TRHDE: variants seen among roughly 807,000 people sequenced by gnomAD.
TRHDE encodes thyrotropin releasing hormone degrading enzyme.
A neutral mutation model predicts 125.7 loss-of-function variants in TRHDE; 72 were observed. The ratio of observed to expected loss-of-function variants is 0.57; its 90% CI spans 0.47 to 0.70. The LOEUF is 0.70. TRHDE is among the 30% of genes least tolerant of loss of function. The pLI is 0.00. For synonymous variants in TRHDE, 509 were observed against 509.1 expected, an observed-to-expected ratio of 1.00 and a Z score of 0.00; for missense variants, 1,110 against 1,327.1, an observed-to-expected ratio of 0.84 and a Z score of 2.54.
At chr12:72,638,414 G>C (rs1212464781) in intron 15 of TRHDE, among the ~76,000 whole-genome samples, 2 of 151,820 alleles carry the variant, frequency 1.3e-5, no homozygotes, top group Non-Finnish European at 2.9e-5. Context: ...ACGTGAGATG[G>C]GTTTCCTGAA....
intron 12 of TRHDE, among the ~76,000 whole-genome samples, chr12:72,602,757 A>G (rs984690398): frequency 2.0e-5 from 3 of 152,216 alleles, no homozygotes; most frequent in Non-Finnish European, 4.4e-5. Context: ...TGGAGCAGAA[A>G]TATGCCCCTA....
intron 2 of TRHDE, among the ~76,000 whole-genome samples, chr12:72,238,311 T>TATATACACATA (rs1555170265): frequency 4.3e-4 from 14 of 32,562 alleles, no homozygotes; most frequent in African/African-American, 1.5e-3. Context: ...TATATATATA[T>TATATACACATA]ATATATATAT....
intron 1 of TRHDE, among the ~76,000 whole-genome samples, chr12:72,095,542 A>G (rs1317791861): frequency 6.6e-6 from 1 of 152,170 alleles, no homozygotes; most frequent in Non-Finnish European, 1.5e-5. Flanking sequence ...GACTTGGTTA[A>G]GTTAGCACCA....
At chr12:72,234,565 A>C (rs1404469341) in intron 2 of TRHDE, among the ~76,000 whole-genome samples, 1 of 152,226 alleles carries the variant, frequency 6.6e-6, no homozygotes, top group Non-Finnish European at 1.5e-5. Context: ...CATTATTTAC[A>C]TAAAAATAAA....
intron 2 of TRHDE, chr12:72,255,361 C>T (rs1195707295): frequency 6.6e-6 from 1 of 152,230 alleles, no homozygotes. Context: ...AGACAGAACA[C>T]ACTCATATGC....
rs201882605 is a variant in TRHDE, at chr12:72,469,200, A to AT, written c.1316-550dup. On this transcript the variant is annotated intron_variant, in intron 3 of 18. Transcript: ENST00000261180. ...AGAGCCTGTGGGTCCCCTCAATAATATTTTTTTTCCATTATATCCACTATC... is the reference window on the plus strand; with the variant it reads ...AGAGCCTGTGGGTCCCCTCAATAATATTTTTTTTTCCATTATATCCACTATC... Among the ~76,000 whole-genome samples the AT allele has an allele frequency of 6.5e-3, 987 of 152,008 alleles. 6 individuals carry two copies. Among genetic ancestry groups the AT allele is most frequent in the African/African-American group, 0.023 (941 of 41,488 alleles).
intron 2 of TRHDE, among the ~76,000 whole-genome samples, chr12:72,184,647 T>C (rs1174450868): frequency 6.6e-6 from 1 of 152,160 alleles, no homozygotes; most frequent in South Asian, 2.1e-4. Context: ...CCTGTTTTTT[T>C]CCCTACTCCT....
intron 12 of TRHDE, among the ~76,000 whole-genome samples, chr12:72,598,761 A>T (rs1408644486): frequency 6.6e-6 from 1 of 151,864 alleles, no homozygotes; most frequent in African/African-American, 2.4e-5. Context: ...CAGAGGGTAC[A>T]TGTGCAGTTT....
intron 3 of TRHDE, among the ~76,000 whole-genome samples, chr12:72,392,529 C>T (rs1592412400): frequency 1.3e-5 from 2 of 152,276 alleles, no homozygotes; most frequent in South Asian, 2.1e-4. Context: ...GATCAGCAAA[C>T]TTTTCTCTGT....
chr12:72,647,577 G>T (rs1031078727), intron 15 of TRHDE, among the ~76,000 whole-genome samples: 1 of 151,898 alleles, frequency 6.6e-6, no homozygotes, highest in Non-Finnish European at 1.5e-5. Flanking sequence ...AATAAAAACA[G>T]AAATGAAGGA....
At chr12:72,518,336 G>A (rs534058944) in intron 6 of TRHDE, among the ~76,000 whole-genome samples, 37 of 147,862 alleles carry the variant, frequency 2.5e-4, no homozygotes, top group Admixed American at 8.7e-4. Flanking sequence ...CTCCTGTATT[G>A]GGTGCATATA....
intron 2 of TRHDE, among the ~76,000 whole-genome samples, chr12:72,223,605 C>T (rs142174449): frequency 1.4e-3 from 217 of 152,104 alleles, no homozygotes; most frequent in Middle Eastern, 0.014. Context: ...AAATTACAGA[C>T]CTGTTAATGT....
chr12:72,175,083 A>G (rs564820767), intron 2 of TRHDE, among the ~76,000 whole-genome samples: 15 of 152,328 alleles, frequency 9.8e-5, no homozygotes, highest in African/African-American at 3.6e-4. Context: ...AGTATTGTAC[A>G]GCAGTCCTCT....
intron 2 of TRHDE, among the ~76,000 whole-genome samples, chr12:72,156,255 T>G (rs535964170): frequency 6.6e-6 from 1 of 152,184 alleles, no homozygotes; most frequent in African/African-American, 2.4e-5. Flanking sequence ...AGCACAGTAT[T>G]AGGGTGGGAG....
intron 2 of TRHDE, among the ~76,000 whole-genome samples, chr12:72,221,925 A>T (rs1174566033): frequency 6.6e-6 from 1 of 152,066 alleles, no homozygotes; most frequent in Non-Finnish European, 1.5e-5. Flanking sequence ...GGTTTGGAGC[A>T]ACTGGGTTCT....
At chr12:72,635,347 T>C (rs1873690861) in intron 15 of TRHDE, among the ~76,000 whole-genome samples, 1 of 152,082 alleles carries the variant, frequency 6.6e-6, no homozygotes, top group Non-Finnish European at 1.5e-5. Context: ...TTTGATGGGG[T>C]TGCTTGTTTT....
intron 2 of TRHDE, among the ~76,000 whole-genome samples, chr12:72,234,485 A>G (rs1209469714): frequency 6.6e-6 from 1 of 152,220 alleles, no homozygotes; most frequent in African/African-American, 2.4e-5. Flanking sequence ...TTCCATTGAA[A>G]TGAATGTGAT....
Position 72,569,500 on chromosome 12 carries a change from G to T in TRHDE, c.2131+844G>T, listed in dbSNP as rs982990641. Among the ~76,000 whole-genome samples the T allele has an allele frequency of 1.3e-3, 192 of 152,204 alleles. 1 individual carries two copies. Among genetic ancestry groups the T allele is most frequent in the African/African-American group, 4.5e-3 (186 of 41,528 alleles). On this transcript the variant is annotated intron_variant, in intron 10 of 18. Coordinates refer to ENST00000261180, the MANE Select transcript of TRHDE (RefSeq NM_013381.3). ...TATTTTTTATTTGAAATAGGGTGAG[G>T]TATAAATAAATAAACAAACACAGTT...
chr12:72,486,611 G>A (rs1877420498), intron 5 of TRHDE, among the ~76,000 whole-genome samples: 2 of 152,114 alleles, frequency 1.3e-5, no homozygotes, highest in South Asian at 4.1e-4. Flanking sequence ...TGGAACCAGA[G>A]CAACTTCACC....
Sources: allele counts gnomAD v4.1 joint callset (sites outside exome capture counted in the v4.1 genomes callset), GRCh38; gene constraint gnomAD v4.1.1; transcripts MANE v1.5; gene names NCBI Gene and HGNC (gene_info 2026-07-23, HGNC 2026-07-21).